DRC11: variants seen among roughly 807,000 people sequenced by gnomAD.
DRC11 encodes the protein IQ and AAA domain-containing protein 1.
chr2:236,391,679 T>G, the DRC11 span, among the ~76,000 whole-genome samples: 1 of 152,240 alleles, frequency 6.6e-6, no homozygotes, highest in African/African-American at 2.4e-5. This position sits in a 1 kb window ranked among gnomAD's most constrained non-coding sequence, Gnocchi z 4.5. Context: ...TTGGGGAATG[T>G]GCTTTGGCTC....
At chr2:236,494,168 A>C in the DRC11 span, among the ~76,000 whole-genome samples, 1 of 152,230 alleles carries the variant, frequency 6.6e-6, no homozygotes, top group Non-Finnish European at 1.5e-5. The surrounding 1 kb of genome is among the most constrained non-coding windows in gnomAD (Gnocchi z 4.2). Flanking sequence ...TGATTACTTA[A>C]TAGATTTCTT....
At chr2:236,356,137 G>C in the DRC11 span, among the ~76,000 whole-genome samples, 2 of 151,958 alleles carry the variant, frequency 1.3e-5, no homozygotes, top group Non-Finnish European at 2.9e-5. Context: ...TCAGGGGCCA[G>C]GTCACCAAGC....
the DRC11 span, among the ~76,000 whole-genome samples, chr2:236,365,861 A>G: frequency 3.0e-4 from 46 of 152,164 alleles, no homozygotes; most frequent in Non-Finnish European, 7.3e-5. The surrounding 1 kb of genome is among the most constrained non-coding windows in gnomAD (Gnocchi z 7.4). Flanking sequence ...CCCCTCTCGT[A>G]GAGTTACCAA....
the DRC11 span, among the ~76,000 whole-genome samples, chr2:236,387,709 C>T: frequency 4.0e-5 from 6 of 151,304 alleles, no homozygotes; most frequent in South Asian, 2.1e-4. Context: ...GTCATTATGA[C>T]GTTAGCTGGT....
the DRC11 span, among the ~76,000 whole-genome samples, chr2:236,421,173 T>A: frequency 6.6e-6 from 1 of 152,110 alleles, no homozygotes; most frequent in Non-Finnish European, 1.5e-5. Flanking sequence ...AGCAAACACA[T>A]TCAAAAGCTA....
the DRC11 span, chr2:236,367,869 G>A: frequency 8.8e-6 from 3 of 341,696 alleles, no homozygotes; most frequent in Non-Finnish European, 1.7e-5. The surrounding 1 kb of genome is among the most constrained non-coding windows in gnomAD (Gnocchi z 4.8). Context: ...AAAGGCAAGT[G>A]GTAGCCCTAG....
chr2:236,339,936 G>A, the DRC11 span, among the ~76,000 whole-genome samples: 3 of 152,230 alleles, frequency 2.0e-5, no homozygotes, highest in Non-Finnish European at 1.5e-5. Flanking sequence ...CTGCAAATAA[G>A]CTGGCTGAGA....
At chr2:236,420,931 T>C in the DRC11 span, among the ~76,000 whole-genome samples, 1 of 152,208 alleles carries the variant, frequency 6.6e-6, no homozygotes, top group Non-Finnish European at 1.5e-5. This position sits in a 1 kb window ranked among gnomAD's most constrained non-coding sequence, Gnocchi z 4.8. Context: ...TTAGAAACTG[T>C]AAAACTTTTC....
chr2:236,382,602 C>T, the DRC11 span, among the ~76,000 whole-genome samples: 1 of 152,120 alleles, frequency 6.6e-6, no homozygotes, highest in Non-Finnish European at 1.5e-5. Flanking sequence ...CTATTCAGAT[C>T]TGCTTTGATT....
At chr2:236,351,991 G>A in the DRC11 span, among the ~76,000 whole-genome samples, 1 of 152,200 alleles carries the variant, frequency 6.6e-6, no homozygotes, top group African/African-American at 2.4e-5. The surrounding 1 kb of genome is among the most constrained non-coding windows in gnomAD (Gnocchi z 7.3). Flanking sequence ...AGCAATGGCA[G>A]TGGACGCCTC....
chr2:236,500,610 A>G, the DRC11 span, among the ~76,000 whole-genome samples: 1 of 152,190 alleles, frequency 6.6e-6, no homozygotes, highest in African/African-American at 2.4e-5. This position sits in a 1 kb window ranked among gnomAD's most constrained non-coding sequence, Gnocchi z 6.3. Flanking sequence ...TTATTATAAG[A>G]AAGAAGGTTA....
chr2:236,345,646 C>T, the DRC11 span, among the ~76,000 whole-genome samples: 4 of 152,074 alleles, frequency 2.6e-5, no homozygotes, highest in East Asian at 1.9e-4. Context: ...AGCAGGGCCT[C>T]GCGACAGAGC....
the DRC11 span, among the ~76,000 whole-genome samples, chr2:236,479,945 G>A: frequency 6.6e-6 from 1 of 150,392 alleles, no homozygotes; most frequent in African/African-American, 2.4e-5. The surrounding 1 kb of genome is among the most constrained non-coding windows in gnomAD (Gnocchi z 4.1). Context: ...CTCAAATTTT[G>A]TTTGTCTGGG....
At chr2:236,482,845 C>G in the DRC11 span, among the ~76,000 whole-genome samples, 1 of 152,140 alleles carries the variant, frequency 6.6e-6, no homozygotes, top group Non-Finnish European at 1.5e-5. The surrounding 1 kb of genome is among the most constrained non-coding windows in gnomAD (Gnocchi z 4.5). Context: ...TATACAGAAC[C>G]ATTTCAATGT....
the DRC11 span, chr2:236,368,161 G>A: frequency 3.0e-5 from 40 of 1,342,120 alleles, no homozygotes; most frequent in Middle Eastern, 6.3e-4. Context: ...AGCTGCTTTG[G>A]AAAAGGCACA....
the DRC11 span, among the ~76,000 whole-genome samples, chr2:236,434,045 A>G: frequency 6.6e-6 from 1 of 152,242 alleles, no homozygotes. The surrounding 1 kb of genome is among the most constrained non-coding windows in gnomAD (Gnocchi z 5.5). Flanking sequence ...ATTTTTTAAT[A>G]CGATGCGGTG....
the DRC11 span, among the ~76,000 whole-genome samples, chr2:236,346,008 T>C: frequency 0.34 from 51,592 of 152,080 alleles, 9,033 homozygotes; most frequent in Non-Finnish European, 0.38. Flanking sequence ...TGGGCACTGA[T>C]TGAACTGGAT....
the DRC11 span, among the ~76,000 whole-genome samples, chr2:236,353,730 C>T: frequency 7.7e-4 from 117 of 152,020 alleles, 1 homozygote; most frequent in Middle Eastern, 3.4e-3. The surrounding 1 kb of genome is among the most constrained non-coding windows in gnomAD (Gnocchi z 5.0). Context: ...TTGGGAGACA[C>T]GGTCCCTGCC....
chr2:236,371,456 A>AG, the DRC11 span, among the ~76,000 whole-genome samples: 1 of 152,128 alleles, frequency 6.6e-6, no homozygotes, highest in Non-Finnish European at 1.5e-5. The surrounding 1 kb of genome is among the most constrained non-coding windows in gnomAD (Gnocchi z 5.1). Context: ...TTCCAGAGGC[A>AG]GGGGGGCATT....
Sources: gnomAD v4.1 joint callset for allele counts (sites outside exome capture counted in the v4.1 genomes callset) on GRCh38, gnomAD v4.1.1 for gene constraint, Gnocchi (gnomAD v3.1) non-coding constraint, MANE v1.5 for transcripts, NCBI Gene and HGNC (gene_info 2026-07-23, HGNC 2026-07-21) for gene names.